The following MGMT variants were observed in gnomAD, a reference collection of about 807,000 sequenced individuals.
The protein encoded by MGMT is methylated-DNA--protein-cysteine methyltransferase.
In MGMT, 14 loss-of-function variants were observed where a neutral mutation model predicts 15.9. The observed-to-expected ratio is 0.88, with a 90% CI of 0.58 to 1.37. MGMT has a LOEUF of 1.37. MGMT is among the 40% of genes most tolerant of loss of function. The pLI is 0.00. For synonymous variants in MGMT, 130 were observed against 118.2 expected, an observed-to-expected ratio of 1.10 and a Z score of -0.65; for missense variants, 282 against 268.1, an observed-to-expected ratio of 1.05 and a Z score of -0.36.
intron 2 of MGMT, among the ~76,000 whole-genome samples, chr10:129,671,342 G>C (rs1007890524): frequency 2.6e-5 from 4 of 152,162 alleles, no homozygotes; most frequent in African/African-American, 9.7e-5. Flanking sequence ...TTACACAGCA[G>C]AAATTAGCAA....
rs905596590 is a variant in MGMT at position 129,770,523 on chromosome 10, C to T, written c.*3526C>T. 2.6e-5 allele frequency among the ~76,000 whole-genome samples: 4 copies of T among 152,218 alleles called. No homozygotes were observed. Among genetic ancestry groups the T allele is most frequent in the African/African-American group, 7.2e-5 (3 of 41,462 alleles). On this transcript the variant is annotated 3_prime_UTR_variant, in exon 5 of 5. Coordinates refer to ENST00000651593, the MANE Select transcript of MGMT (RefSeq NM_002412.5). ...TGCTCACCTTGGCTGTCCATGCACC[C>T]GTAGCTGTGACCATGGGCGGTGGCG...
rs144775938 is a variant in MGMT at position 129,727,824 on chromosome 10, T to C, written c.274+19781T>C. Reference sequence around the variant, plus strand: ...CAGGCAGCAAGGTAGCCTTCAGCTGTGTGGGCTGGGGAGAACTTCATGGAG... The same window carrying C: ...CAGGCAGCAAGGTAGCCTTCAGCTGCGTGGGCTGGGGAGAACTTCATGGAG... On this transcript the variant is annotated intron_variant, in intron 3 of 4. Transcript: ENST00000651593. Among the ~76,000 whole-genome samples, 1,122 of 152,244 alleles carry C rather than the reference T, an allele frequency of 7.4e-3. 12 individuals are homozygous for C. Among genetic ancestry groups the C allele is most frequent in the African/African-American group, 0.027 (1,105 of 41,538 alleles).
intron 2 of MGMT, among the ~76,000 whole-genome samples, chr10:129,539,156 C>T (rs1448194258): frequency 2.0e-5 from 3 of 151,984 alleles, no homozygotes; most frequent in Admixed American, 1.3e-4. Flanking sequence ...ATGTTTAACA[C>T]TTTTTGTGTT....
intron 3 of MGMT, among the ~76,000 whole-genome samples, chr10:129,719,084 G>T (rs1848336559): frequency 1.3e-5 from 2 of 151,932 alleles, no homozygotes; most frequent in South Asian, 4.1e-4. Context: ...GAGCCGATCT[G>T]TGTGCCCATT....
At chr10:129,608,564 G>A (rs939134648) in intron 2 of MGMT, among the ~76,000 whole-genome samples, 6 of 152,132 alleles carry the variant, frequency 3.9e-5, no homozygotes, top group Admixed American at 2.0e-4. Flanking sequence ...TTTATCTTAC[G>A]CTTAAAAAGT....
chr10:129,579,492 A>T (rs1007526184), intron 2 of MGMT, among the ~76,000 whole-genome samples: 2 of 152,232 alleles, frequency 1.3e-5, no homozygotes, highest in Non-Finnish European at 2.9e-5. Context: ...GGGTTTTCCC[A>T]TGCTCCGTGC....
At chr10:129,709,609 C>G (rs757908393) in intron 3 of MGMT, among the ~76,000 whole-genome samples, 1 of 152,124 alleles carries the variant, frequency 6.6e-6, no homozygotes, top group Non-Finnish European at 1.5e-5. Flanking sequence ...AGTTCTCTTA[C>G]AAAACCAGGG....
intron 2 of MGMT, among the ~76,000 whole-genome samples, chr10:129,702,580 A>C (rs1848111517): frequency 6.6e-6 from 1 of 151,474 alleles, no homozygotes; most frequent in South Asian, 2.1e-4. Flanking sequence ...GCCAGGCAAA[A>C]GTCTTGTCTC....
At position 129,710,267 on chromosome 10, in the gene MGMT, C is replaced by T. The variant is rs985295137; in HGVS notation, c.274+2224C>T. On this transcript the variant is annotated intron_variant, in intron 3 of 4. Coordinates refer to ENST00000651593, the MANE Select transcript of MGMT (RefSeq NM_002412.5). ...GCCCCTCTTGGAAAGCCCTACAGTGCGGGTGGATACCTCTAGCTGGGACGA... is the reference window on the plus strand; with the variant it reads ...GCCCCTCTTGGAAAGCCCTACAGTGTGGGTGGATACCTCTAGCTGGGACGA... 7.9e-5 allele frequency among the ~76,000 whole-genome samples: 12 copies of T among 152,338 alleles called. No individual in the cohort carries two copies. In the South Asian group the frequency reaches 8.3e-4, roughly 11 times the overall value.
intron 2 of MGMT, among the ~76,000 whole-genome samples, chr10:129,692,000 A>G (rs2133128467): frequency 6.6e-6 from 1 of 152,150 alleles, no homozygotes; most frequent in African/African-American, 2.4e-5. Context: ...CTCACCTCCT[A>G]CCTTGTTATG....
At chr10:129,470,670 C>A (rs1473602767) in intron 1 of MGMT, among the ~76,000 whole-genome samples, 1 of 152,162 alleles carries the variant, frequency 6.6e-6, no homozygotes, top group East Asian at 1.9e-4. Context: ...TCCCGAAGCT[C>A]CTCCAGCTAA....
intron 4 of MGMT, among the ~76,000 whole-genome samples, chr10:129,764,493 G>A (rs1048924932): frequency 6.6e-6 from 1 of 152,240 alleles, no homozygotes; most frequent in Non-Finnish European, 1.5e-5. Context: ...ACCTCCCCAG[G>A]AAGCAGAGGT....
At chr10:129,583,148 A>T (rs1328959552) in intron 2 of MGMT, among the ~76,000 whole-genome samples, 1 of 152,192 alleles carries the variant, frequency 6.6e-6, no homozygotes, top group East Asian at 1.9e-4. Flanking sequence ...AAATATAATA[A>T]ATGGTGTATC....
In MGMT at chr10:129,595,019, G is replaced by A. The variant is rs537164064; in HGVS notation, c.125+58642G>A. Among the ~76,000 whole-genome samples the A allele has an allele frequency of 2.2e-3, 329 of 152,302 alleles. 2 individuals carry two copies. Among genetic ancestry groups the A allele is most frequent in the African/African-American group, 7.3e-3 (302 of 41,568 alleles). On this transcript the variant is annotated intron_variant, in intron 2 of 4. Coordinates refer to ENST00000651593, the MANE Select transcript of MGMT (RefSeq NM_002412.5). ...CCACGTCTCACGGTTCACCCCTGCCGTCTCTCGGGGCCTTCCTTCAGGCTT... is the reference window on the plus strand; with the variant it reads ...CCACGTCTCACGGTTCACCCCTGCCATCTCTCGGGGCCTTCCTTCAGGCTT...
chr10:129,483,434 T>C lies in MGMT; in HGVS notation c.-13+16138T>C, dbSNP rs116323533. On this transcript the variant is annotated intron_variant, in intron 1 of 4. Coordinates refer to ENST00000651593, the MANE Select transcript of MGMT (RefSeq NM_002412.5). ...CCTGAAAACCTTGTACCATCATTTCTCAAGTGCAGGTCTGCTGGTGTCTGA... is the reference window on the plus strand; with the variant it reads ...CCTGAAAACCTTGTACCATCATTTCCCAAGTGCAGGTCTGCTGGTGTCTGA... Among the ~76,000 whole-genome samples, 654 of 152,306 alleles carry C rather than the reference T, an allele frequency of 4.3e-3. 5 individuals are homozygous for C. The highest frequency in any genetic ancestry group is 0.015 in the African/African-American group (614 of 41,562).
intron 2 of MGMT, among the ~76,000 whole-genome samples, chr10:129,619,676 T>C (rs375663362): frequency 6.6e-6 from 1 of 152,246 alleles, no homozygotes; most frequent in Non-Finnish European, 1.5e-5. Context: ...TTGAATTTCT[T>C]CATGACTCAG....
chr10:129,616,918 C>A (rs1168677092), intron 2 of MGMT, among the ~76,000 whole-genome samples: 1 of 152,176 alleles, frequency 6.6e-6, no homozygotes, highest in African/African-American at 2.4e-5. Flanking sequence ...AGACTCTGAG[C>A]TTCTGCCCCT....
intron 1 of MGMT, among the ~76,000 whole-genome samples, chr10:129,471,646 G>T (rs1442710105): frequency 6.6e-6 from 1 of 152,118 alleles, no homozygotes; most frequent in Non-Finnish European, 1.5e-5. Flanking sequence ...CTCTGCATCA[G>T]AATTACTGTG....
chr10:129,582,477 T>G (rs1846568164), intron 2 of MGMT, among the ~76,000 whole-genome samples: 1 of 152,246 alleles, frequency 6.6e-6, no homozygotes, highest in Non-Finnish European at 1.5e-5. Flanking sequence ...TTTAATTGTG[T>G]GCCTTTTAAA....
Sources: allele counts gnomAD v4.1 joint callset (sites outside exome capture counted in the v4.1 genomes callset), GRCh38; gene constraint gnomAD v4.1.1; transcripts MANE v1.5; gene names NCBI Gene and HGNC (gene_info 2026-07-23, HGNC 2026-07-21).